Variants in NSUN4 observed in about 807,000 individuals in gnomAD.
The protein encoded by NSUN4 is NOP2/Sun RNA methyltransferase 4, also known as 5-cytosine rRNA methyltransferase NSUN4.
A neutral mutation model predicts 43.8 loss-of-function variants in NSUN4; 31 were observed. That is an observed-to-expected ratio of 0.71 (90% CI 0.53 to 0.96). The LOEUF is 0.96. Ranked by LOEUF, NSUN4 falls within the 40% of genes least tolerant of loss-of-function variation. The probability of loss-of-function intolerance (pLI) is 0.00; values close to 1 mark genes in which losing one functional copy is unlikely to be tolerated. For synonymous variants in NSUN4, 167 were observed against 184.1 expected, an observed-to-expected ratio of 0.91 and a Z score of 0.75; for missense variants, 439 against 475.6, an observed-to-expected ratio of 0.92 and a Z score of 0.72.
the NSUN4 span, among the ~76,000 whole-genome samples, chr1:46,380,482 C>G: frequency 6.6e-6 from 1 of 152,206 alleles, no homozygotes; most frequent in African/African-American, 2.4e-5. Flanking sequence ...TAGCTTCCAG[C>G]TTGCCTCTCC....
the NSUN4 span, among the ~76,000 whole-genome samples, chr1:46,385,124 A>T: frequency 1.3e-5 from 2 of 152,242 alleles, no homozygotes; most frequent in Non-Finnish European, 2.9e-5. Context: ...TTTTTATACC[A>T]GATAAACTAA....
At chr1:46,366,423 A>G (rs1239275744), downstream of NSUN4, among the ~76,000 whole-genome samples, 1 of 152,180 alleles carries the variant, frequency 6.6e-6, no homozygotes, top group East Asian at 1.9e-4. Flanking sequence ...TGCTTATTGA[A>G]TTATTAAAAG....
rs1053628 is a variant in NSUN4 at position 46,362,097 on chromosome 1, C to T, written c.*251C>T. The T allele has an allele frequency of 0.24, 122,118 of 518,550 alleles. 16,270 individuals carry two copies. Among genetic ancestry groups the T allele is most frequent in the Non-Finnish European group, 0.29 (84,275 of 289,880 alleles). The allele number at this position is 518,550 out of a possible 1,614,324, so 32.1% of individuals were successfully genotyped here. On this transcript the variant is annotated 3_prime_UTR_variant, in exon 6 of 6. Transcript: ENST00000474844. ...CAGGCCTGTACTAAAGTTTGCTGCC[C>T]GCTTAGGGGCTTAGAAGGAGAAGCC...
chr1:46,342,371 C>T (rs989136464), intron 1 of NSUN4: 1 of 399,086 alleles, frequency 2.5e-6, no homozygotes, highest in Admixed American at 4.4e-5. Context: ...CTGGCTCTCC[C>T]AGCTCACCTC....
chr1:46,382,628 G>A, the NSUN4 span, among the ~76,000 whole-genome samples: 2 of 143,346 alleles, frequency 1.4e-5, no homozygotes, highest in Admixed American at 7.1e-5. Context: ...TTTTGAGACA[G>A]TCTCACTCTG....
intron 1 of NSUN4, 30 bp downstream of exon 1, chr1:46,340,949 A>G: frequency 6.3e-7 from 1 of 1,575,518 alleles, no homozygotes; most frequent in Non-Finnish European, 8.7e-7. Flanking sequence ...GCAGGAGGGA[A>G]AAGTGAGGGT....
chr1:46,374,499 C>T, the NSUN4 span, among the ~76,000 whole-genome samples: 7 of 151,718 alleles, frequency 4.6e-5, no homozygotes, highest in East Asian at 1.9e-4. Context: ...ATCCCAGCTA[C>T]TTAGGAGGCT....
intron 4 of NSUN4, among the ~76,000 whole-genome samples, chr1:46,355,504 C>A (rs184649325): frequency 6.6e-6 from 1 of 152,248 alleles, no homozygotes; most frequent in East Asian, 1.9e-4. Context: ...TAGTGCCTAT[C>A]CCGTAGGTGA....
rs76637080 is a variant in NSUN4, at chr1:46,341,046, T to A, written c.93+127T>A. The A allele has an allele frequency of 3.2e-4, 355 of 1,110,322 alleles. 2 individuals are homozygous for A. In the East Asian group the frequency reaches 6.7e-3, roughly 21 times the overall value. The allele number at this position is 1,110,322 out of a possible 1,614,324, so 68.8% of individuals were successfully genotyped here. On this transcript the variant is annotated intron_variant, in intron 1 of 5. Coordinates refer to ENST00000474844, the MANE Select transcript of NSUN4 (RefSeq NM_199044.4). Reference sequence around the variant, plus strand: ...ACTCCACGGAACGTCCTTAGGCACCTCCCTCTCTCGTCTTTTCCGTCACCG... The same window carrying A: ...ACTCCACGGAACGTCCTTAGGCACCACCCTCTCTCGTCTTTTCCGTCACCG...
chr1:46,375,803 A>T, the NSUN4 span, among the ~76,000 whole-genome samples: 6 of 150,702 alleles, frequency 4.0e-5, no homozygotes, highest in African/African-American at 1.5e-4. Flanking sequence ...TTAAAAGAAT[A>T]GTAGTAAATA....
chr1:46,369,699 C>G (rs920109818), downstream of NSUN4, among the ~76,000 whole-genome samples: 12 of 152,048 alleles, frequency 7.9e-5, no homozygotes, highest in Non-Finnish European at 1.5e-4. Flanking sequence ...AGAGGACATT[C>G]TAGATTCTGA....
At chr1:46,348,736 A>G (rs1662720860) in intron 3 of NSUN4, among the ~76,000 whole-genome samples, 2 of 142,652 alleles carry the variant, frequency 1.4e-5, no homozygotes, top group Non-Finnish European at 3.1e-5. Context: ...AAAAAAAAAA[A>G]GTGGATTCCT....
At chr1:46,383,337 G>A in the NSUN4 span, among the ~76,000 whole-genome samples, 1 of 152,162 alleles carries the variant, frequency 6.6e-6, no homozygotes, top group Non-Finnish European at 1.5e-5. Flanking sequence ...GGCACCCTGT[G>A]GTGCATGACC....
chr1:46,345,301 TGTTATCTC>T (rs1322317714), intron 2 of NSUN4, 157 bp downstream of exon 2: 5 of 578,856 alleles, frequency 8.6e-6, no homozygotes, highest in African/African-American at 1.9e-5. Flanking sequence ...GCTGTACATA[TGTTATCTC>T]TTTTTGTTCT....
In NSUN4 at chr1:46,360,710, G is replaced by A. The variant is rs748270762; in HGVS notation, c.760G>A (p.Val254Met). 6.2e-7 allele frequency: 1 copy of A among 1,613,906 alleles called. No individual in the cohort carries two copies. Among genetic ancestry groups the A allele is most frequent in the Non-Finnish European group, 8.5e-7 (1 of 1,179,844 alleles). Residue 254 changes from valine to methionine, a missense_variant, in exon 5 of 6, where the codon GTG (valine) becomes ATG (methionine). Coordinates refer to ENST00000474844, the MANE Select transcript of NSUN4 (RefSeq NM_199044.4). ...LEGDTYDRVL[V>M]DVPCTTDRHS... ...CCTTTAACACTCTGGGTAGGTGCTG[G>A]TGGATGTGCCCTGTACCACAGACCG... is the stretch of plus-strand genomic sequence containing the variant.
intron 3 of NSUN4, among the ~76,000 whole-genome samples, chr1:46,347,330 C>T (rs1168507495): frequency 6.6e-6 from 1 of 152,014 alleles, no homozygotes; most frequent in Admixed American, 6.6e-5. Flanking sequence ...ACCAGCTACT[C>T]AGGAGGCTGA....
chr1:46,354,707 T>C (rs974242551), intron 4 of NSUN4, among the ~76,000 whole-genome samples: 1 of 151,756 alleles, frequency 6.6e-6, no homozygotes, highest in African/African-American at 2.4e-5. Flanking sequence ...CAGGCTGGAG[T>C]GCAGTGGCGC....
intron 4 of NSUN4, among the ~76,000 whole-genome samples, chr1:46,360,338 G>A (rs1223605013): frequency 2.1e-5 from 3 of 144,914 alleles, no homozygotes; most frequent in Non-Finnish European, 4.5e-5. Context: ...AGGCTGAGGT[G>A]GGAGGATTGC....
Position 46,360,025 on chromosome 1 carries a change from C to T in NSUN4, c.754-679C>T, listed in dbSNP as rs566837640. 1.9e-4 allele frequency among the ~76,000 whole-genome samples: 28 copies of T among 150,580 alleles called. 1 individual carries two copies. The South Asian group carries it at 2.9e-3, about 16-fold the overall frequency. ...CGGGCAGATCATGAGGTCAGGAGAT[C>T]GAGACCATCCTGGCTAGCACGGTGA... On this transcript the variant is annotated intron_variant, in intron 4 of 5. Coordinates refer to ENST00000474844, the MANE Select transcript of NSUN4 (RefSeq NM_199044.4).
Sources: gnomAD v4.1 joint callset for allele counts (sites outside exome capture counted in the v4.1 genomes callset) on GRCh38, gnomAD v4.1.1 for gene constraint, MANE v1.5 for transcripts, NCBI Gene and HGNC (gene_info 2026-07-23, HGNC 2026-07-21) for gene names.